The following PPM1D variants were observed in gnomAD, a reference collection of about 807,000 sequenced individuals.
PPM1D encodes the protein protein phosphatase 1D.
In PPM1D, 52 loss-of-function variants were observed where a neutral mutation model predicts 58.3. The observed-to-expected ratio is 0.89, with a 90% CI of 0.71 to 1.12. PPM1D has a LOEUF of 1.12. Among genes scored for constraint, PPM1D ranks in the 50% most tolerant of loss-of-function variants. PPM1D has a pLI of 0.00. For missense variants in PPM1D, 564 were observed against 777.2 expected, an observed-to-expected ratio of 0.73 and a Z score of 3.26; for synonymous variants, 278 against 285.1, an observed-to-expected ratio of 0.98 and a Z score of 0.25.
Position 60,663,572 on chromosome 17 carries a change from G to GTTTTTCCAA in PPM1D, c.*21_*29dup. 1 of 1,592,862 alleles carries GTTTTTCCAA rather than the reference G, an allele frequency of 6.3e-7. No individual in the cohort carries two copies. Among genetic ancestry groups the GTTTTTCCAA allele is most frequent in the East Asian group, 2.2e-5 (1 of 44,698 alleles). On this transcript the variant is annotated 3_prime_UTR_variant, in exon 6 of 6. Coordinates refer to ENST00000305921, the MANE Select transcript of PPM1D (RefSeq NM_003620.4). ...TGCTGAAATGCATCTGGGAAATGAG[G>GTTTTTCCAA]TTTTTCCAAACTTAGGATATAAGAG...
At chr17:60,603,803 G>T (rs1321841413) in intron 1 of PPM1D, among the ~76,000 whole-genome samples, 1 of 152,034 alleles carries the variant, frequency 6.6e-6, no homozygotes, top group Non-Finnish European at 1.5e-5. Flanking sequence ...ATCCACTTCT[G>T]CACTCAATCT....
intron 3 of PPM1D, among the ~76,000 whole-genome samples, chr17:60,645,572 G>GTATA (rs199951856): frequency 8.4e-6 from 1 of 119,190 alleles, no homozygotes; most frequent in Admixed American, 8.7e-5. Context: ...GTATATATAT[G>GTATA]TATATATATA....
chr17:60,648,116 C>T lies in PPM1D; in HGVS notation c.1017+34C>T, dbSNP rs750867212. 2.5e-6 allele frequency: 4 copies of T among 1,573,254 alleles called. No individual in the cohort carries two copies. In the African/African-American group the frequency reaches 5.5e-5, roughly 21 times the overall value. On this transcript the variant is annotated intron_variant, in intron 4 of 5. Coordinates refer to ENST00000305921, the MANE Select transcript of PPM1D (RefSeq NM_003620.4). ...TGATTGAATAACTTGATATTGTTGTCTAAACATTGTTTTGGTACTTCTGTC... is the reference window on the plus strand; with the variant it reads ...TGATTGAATAACTTGATATTGTTGTTTAAACATTGTTTTGGTACTTCTGTC...
intron 3 of PPM1D, among the ~76,000 whole-genome samples, chr17:60,641,280 A>G (rs752089792): frequency 4.6e-5 from 7 of 152,178 alleles, no homozygotes; most frequent in Non-Finnish European, 7.3e-5. Flanking sequence ...CTTTTTAATA[A>G]TAGTCATTCT....
At chr17:60,655,396 G>A (rs1159306576) in intron 4 of PPM1D, among the ~76,000 whole-genome samples, 5 of 152,130 alleles carry the variant, frequency 3.3e-5, no homozygotes, top group Non-Finnish European at 5.9e-5. Context: ...TCGCCCAGGC[G>A]GGAGTGCAGT....
At chr17:60,661,294 C>T (rs1186070940) in intron 5 of PPM1D, among the ~76,000 whole-genome samples, 3 of 149,678 alleles carry the variant, frequency 2.0e-5, no homozygotes, top group Non-Finnish European at 4.4e-5. Context: ...CAGATAAATA[C>T]GTCTTCATTT....
At chr17:60,662,930 A>G (rs980411382) in intron 5 of PPM1D, 65 bp from the exon 6 acceptor site, 8 of 1,432,828 alleles carry the variant, frequency 5.6e-6, no homozygotes, top group Non-Finnish European at 6.7e-6. Context: ...CTAATATCAC[A>G]TGCATAGATT....
In PPM1D at chr17:60,663,067, T is replaced by A. The variant is rs2143731383; in HGVS notation, c.1333T>A (p.Phe445Ile). The part of the protein sequence containing the change: ...HIPALVRSNA[F>I]SENFLEVSAE... ...ACCTGCCCTGGTTCGTAGCAATGCC[T>A]TCTCAGAGAATTTTTTAGAGGTTTC... Residue 445 changes from phenylalanine to isoleucine, a missense_variant, in exon 6 of 6, where the codon TTC becomes ATC. This residue lies in a region of PPM1D where 261 missense variants were observed against 270.1 expected (regional missense o/e 0.97). Coordinates refer to ENST00000305921, the MANE Select transcript of PPM1D (RefSeq NM_003620.4). 4.3e-6 allele frequency: 7 copies of A among 1,614,134 alleles called. No individual in the cohort carries two copies. The highest frequency in any genetic ancestry group is 5.9e-6 in the Non-Finnish European group (7 of 1,179,964).
At position 60,610,044 on chromosome 17, in the gene PPM1D, G is replaced by A. The variant is rs555915913; in HGVS notation, c.472+9158G>A. 8.9e-4 allele frequency among the ~76,000 whole-genome samples: 135 copies of A among 152,164 alleles called. 2 individuals carry two copies. The highest frequency in any genetic ancestry group is 3.1e-3 in the African/African-American group (130 of 41,502). ...AAATACAAAAAACTAGCCGGGCATG[G>A]TGGTGCGCACCTGTAGTCGCAGCTA... On this transcript the variant is annotated intron_variant, in intron 1 of 5. Coordinates refer to ENST00000305921, the MANE Select transcript of PPM1D (RefSeq NM_003620.4).
In PPM1D at chr17:60,623,570, T is replaced by A; in HGVS notation, c.522T>A (p.Thr174=). The change falls in exon 2 of 6, where the codon ACT becomes ACA. Residue 174 remains threonine, a synonymous_variant. Coordinates refer to ENST00000305921, the MANE Select transcript of PPM1D (RefSeq NM_003620.4). ...GTCTTCCTAGCACATCAGGGACAAC[T>A]GCCAGTGTGGTCATCATTCGGGGCA... ...MTGLPSTSGT[T]ASVVIIRGMK... is the part of the protein sequence containing the mutation. 1 of 1,614,212 alleles carries A rather than the reference T, an allele frequency of 6.2e-7. No homozygotes were observed. The highest frequency in any genetic ancestry group is 1.1e-5 in the South Asian group (1 of 91,082).
chr17:60,657,451 C>G lies in PPM1D; in HGVS notation c.1260+610C>G, dbSNP rs186356430. ...TGTGTTTTCATCCTAATTTTTCCCA[C>G]CAAAAATTAGCAGTATTGATTGATA... On this transcript the variant is annotated intron_variant, in intron 5 of 5. Coordinates refer to ENST00000305921, the MANE Select transcript of PPM1D (RefSeq NM_003620.4). Among the ~76,000 whole-genome samples the G allele has an allele frequency of 2.4e-3, 360 of 152,212 alleles. 1 individual carries two copies. Among genetic ancestry groups the G allele is most frequent in the African/African-American group, 8.2e-3 (341 of 41,546 alleles).
intron 4 of PPM1D, among the ~76,000 whole-genome samples, chr17:60,655,488 A>T (rs1275325031): frequency 6.6e-6 from 1 of 152,048 alleles, no homozygotes; most frequent in African/African-American, 2.4e-5. Flanking sequence ...AGCTGGGATT[A>T]CAGGCACACA....
intron 4 of PPM1D, among the ~76,000 whole-genome samples, chr17:60,651,767 C>G (rs1241446452): frequency 6.6e-6 from 1 of 152,096 alleles, no homozygotes; most frequent in Non-Finnish European, 1.5e-5. Context: ...ACACAAGGCT[C>G]ATGGTATTCT....
intron 1 of PPM1D, among the ~76,000 whole-genome samples, chr17:60,618,293 T>C (rs1273367529): frequency 1.3e-5 from 2 of 152,190 alleles, no homozygotes; most frequent in African/African-American, 4.8e-5. Context: ...TTGTTGTGTA[T>C]GTATGTTAAT....
chr17:60,631,528 A>C (rs924331538), intron 2 of PPM1D, among the ~76,000 whole-genome samples: 2 of 150,486 alleles, frequency 1.3e-5, no homozygotes, highest in Admixed American at 6.6e-5. Flanking sequence ...AATCCTAGCT[A>C]CTCAGGAGGC....
At chr17:60,614,225 G>A (rs1318434747) in intron 1 of PPM1D, among the ~76,000 whole-genome samples, 1 of 152,160 alleles carries the variant, frequency 6.6e-6, no homozygotes, top group Non-Finnish European at 1.5e-5. Context: ...CTAGCTCAGG[G>A]TTTGTGGATG....
intron 2 of PPM1D, among the ~76,000 whole-genome samples, chr17:60,626,552 G>A (rs1030193952): frequency 4.0e-5 from 6 of 151,688 alleles, no homozygotes; most frequent in African/African-American, 1.5e-4. Context: ...CTGCCACCAC[G>A]CCCGGCTAAT....
chr17:60,633,714 T>C (rs1051974585), intron 2 of PPM1D, 139 bp from the exon 3 acceptor site: 29 of 971,920 alleles, frequency 3.0e-5, no homozygotes, highest in Non-Finnish European at 4.1e-5. Context: ...TTTTGGCTTA[T>C]GCATCTTTGT....
At chr17:60,608,044 T>A (rs1781693773) in intron 1 of PPM1D, among the ~76,000 whole-genome samples, 1 of 152,238 alleles carries the variant, frequency 6.6e-6, no homozygotes, top group Admixed American at 6.5e-5. Flanking sequence ...GTGTATCTTG[T>A]TTTATGTTGG....
Sources: allele counts gnomAD v4.1 joint callset (sites outside exome capture counted in the v4.1 genomes callset), GRCh38; gene constraint gnomAD v4.1.1; regional missense constraint gnomAD v4.1.1; transcripts MANE v1.5; gene names NCBI Gene and HGNC (gene_info 2026-07-23, HGNC 2026-07-21).